Variants in MAN1A2 observed in about 807,000 individuals in gnomAD.
MAN1A2 encodes mannosidase alpha class 1A member 2.
Under a neutral mutation model 75.7 loss-of-function variants are expected in MAN1A2, and 26 were observed. The ratio of observed to expected loss-of-function variants is 0.34; its 90% CI spans 0.25 to 0.48. The LOEUF (loss-of-function observed/expected upper bound fraction) is 0.48, where lower values mean the gene tolerates loss of function less well. Ranked by LOEUF, MAN1A2 falls within the 20% of genes least tolerant of loss-of-function variation. The pLI is 0.99. For missense variants in MAN1A2, 562 were observed against 775.5 expected (o/e 0.72, Z 3.27); for synonymous variants, 247 against 264.6 (o/e 0.93, Z 0.65).
intron 9 of MAN1A2, 118 bp downstream of exon 9, chr1:117,493,380 CATTTT>C (rs576705875): frequency 1.4e-4 from 78 of 568,904 alleles, no homozygotes; most frequent in Non-Finnish European, 2.2e-4. Flanking sequence ...TACATACAAA[CATTTT>C]ATTATATGCA....
rs117242774 is a variant in MAN1A2 at position 117,393,764 on chromosome 1, A to G, written c.303-8422A>G. Among the ~76,000 whole-genome samples the G allele has an allele frequency of 5.7e-4, 87 of 152,298 alleles. 1 individual carries two copies. The East Asian group carries it at 0.01, about 18-fold the overall frequency. Reference sequence around the variant, plus strand: ...GATTGTTAACAATAGTTATCTGCCAAAGTCTTTAAAGGGCTCTCATATTCT... The same window carrying G: ...GATTGTTAACAATAGTTATCTGCCAGAGTCTTTAAAGGGCTCTCATATTCT... On this transcript the variant is annotated intron_variant, in intron 1 of 12. Transcript: ENST00000356554.
At chr1:117,433,443 A>C (rs1360082254) in intron 5 of MAN1A2, among the ~76,000 whole-genome samples, 1 of 152,230 alleles carries the variant, frequency 6.6e-6, no homozygotes, top group Non-Finnish European at 1.5e-5. Context: ...ACTATATGTT[A>C]ATTATAAAAT....
At chr1:117,383,251 AT>A (rs140454348) in intron 1 of MAN1A2, among the ~76,000 whole-genome samples, 18,252 of 152,096 alleles carry the variant, frequency 0.12, 1,150 homozygotes, top group Non-Finnish European at 0.14. Flanking sequence ...TATTAATGTG[AT>A]ATGTTACATT....
chr1:117,442,273 C>T lies in MAN1A2; in HGVS notation c.898C>T (p.Pro300Ser). Residue 300 changes from proline to serine, a missense_variant, in exon 6 of 13, where the codon CCT becomes TCT. This residue lies in a region of MAN1A2 where 434 missense variants were observed against 645.7 expected (regional missense o/e 0.67). Transcript: ENST00000356554. ...KAVQLAEKLLPAFNTPTGIPW... is the reference protein window; with the variant it reads ...KAVQLAEKLLSAFNTPTGIPW... ...AGTGCAATTGGCTGAGAAACTCCTT[C>T]CTGCCTTTAACACACCTACTGGGAT... The T allele has an allele frequency of 1.2e-6, 2 of 1,612,608 alleles. No individual in the cohort carries two copies. Among genetic ancestry groups the T allele is most frequent in the South Asian group, 1.1e-5 (1 of 91,050 alleles).
chr1:117,506,174 A>T (rs1651359004), intron 12 of MAN1A2, among the ~76,000 whole-genome samples: 1 of 151,558 alleles, frequency 6.6e-6, no homozygotes, highest in Non-Finnish European at 1.5e-5. Flanking sequence ...TAATTTAAAT[A>T]GGCTTTGTCA....
intron 1 of MAN1A2, among the ~76,000 whole-genome samples, chr1:117,371,179 C>T (rs957281715): frequency 1.3e-5 from 2 of 152,170 alleles, no homozygotes; most frequent in Non-Finnish European, 2.9e-5. Flanking sequence ...TATTCGGAAT[C>T]TACTTTCCTT....
intron 1 of MAN1A2, among the ~76,000 whole-genome samples, chr1:117,376,026 C>T (rs991234132): frequency 2.6e-5 from 4 of 151,916 alleles, no homozygotes; most frequent in African/African-American, 7.3e-5. Flanking sequence ...ATTCTCCTGC[C>T]TCAGCCGCCC....
At position 117,401,556 on chromosome 1, in the gene MAN1A2, G is replaced by T. The variant is rs1647429913; in HGVS notation, c.303-630G>T. On this transcript the variant is annotated intron_variant, in intron 1 of 12. Coordinates refer to ENST00000356554, the MANE Select transcript of MAN1A2 (RefSeq NM_006699.5). ...AACGGTGTAGGTGTCCATTGCAGTA[G>T]TGGTTTCCAAATCTGTGTGTACACC... Among the ~76,000 whole-genome samples the T allele has an allele frequency of 1.3e-5, 2 of 152,172 alleles. 1 individual carries two copies. Among genetic ancestry groups the T allele is most frequent in the South Asian group, 4.1e-4 (2 of 4,836 alleles).
At chr1:117,451,094 G>T (rs1252176459) in intron 6 of MAN1A2, among the ~76,000 whole-genome samples, 1 of 152,206 alleles carries the variant, frequency 6.6e-6, no homozygotes, top group Non-Finnish European at 1.5e-5. Flanking sequence ...GCACCCAGGA[G>T]GTTGGGCTAT....
chr1:117,389,657 T>C (rs1357832383), intron 1 of MAN1A2, among the ~76,000 whole-genome samples: 1 of 152,200 alleles, frequency 6.6e-6, no homozygotes, highest in East Asian at 1.9e-4. Flanking sequence ...TCATTATGTG[T>C]TTTAAAACTA....
chr1:117,514,333 A>T (rs965588613), intron 12 of MAN1A2, among the ~76,000 whole-genome samples: 1 of 150,674 alleles, frequency 6.6e-6, no homozygotes, highest in Non-Finnish European at 1.5e-5. Flanking sequence ...ACTGCACTCC[A>T]GCTGGGGGAC....
intron 4 of MAN1A2, among the ~76,000 whole-genome samples, chr1:117,418,820 C>T: frequency 6.6e-6 from 1 of 151,964 alleles, no homozygotes; most frequent in East Asian, 1.9e-4. Flanking sequence ...ACAAATGAAA[C>T]TATTTGATTA....
intron 2 of MAN1A2, among the ~76,000 whole-genome samples, chr1:117,404,424 ATAG>A (rs1647546858): frequency 6.6e-6 from 1 of 152,172 alleles, no homozygotes; most frequent in African/African-American, 2.4e-5. Flanking sequence ...AGTGATACAA[ATAG>A]TATTTATTGG....
chr1:117,411,665 A>G (rs1647822199), intron 3 of MAN1A2, among the ~76,000 whole-genome samples: 1 of 151,864 alleles, frequency 6.6e-6, no homozygotes, highest in African/African-American at 2.4e-5. Context: ...TGAAATATTT[A>G]CATAAGGATG....
At chr1:117,381,901 C>G (rs1653354646) in intron 1 of MAN1A2, among the ~76,000 whole-genome samples, 1 of 151,618 alleles carries the variant, frequency 6.6e-6, no homozygotes, top group Non-Finnish European at 1.5e-5. Flanking sequence ...GATGGTATCT[C>G]ATTGTGGTTT....
chr1:117,458,779 C>T (rs917494094), intron 6 of MAN1A2, among the ~76,000 whole-genome samples: 5 of 151,780 alleles, frequency 3.3e-5, no homozygotes, highest in Non-Finnish European at 7.4e-5. Flanking sequence ...CCACCTCGGC[C>T]TCCTGAAGTG....
chr1:117,491,157 A>G (rs189584025), intron 8 of MAN1A2, among the ~76,000 whole-genome samples: 8 of 152,222 alleles, frequency 5.3e-5, no homozygotes. Context: ...CAGCTACACT[A>G]AACAACAGAT....
chr1:117,404,069 T>C (rs559268737), intron 2 of MAN1A2, among the ~76,000 whole-genome samples: 14 of 152,334 alleles, frequency 9.2e-5, no homozygotes, highest in African/African-American at 3.4e-4. Flanking sequence ...CATGGTAAAT[T>C]ACATTGTTTT....
At chr1:117,376,629 G>T (rs146014669) in intron 1 of MAN1A2, among the ~76,000 whole-genome samples, 15 of 152,338 alleles carry the variant, frequency 9.8e-5, no homozygotes, top group Admixed American at 8.5e-4. Flanking sequence ...AAGCGTTTTG[G>T]TAAGGAATCA....
Sources: gnomAD v4.1 joint callset for allele counts (sites outside exome capture counted in the v4.1 genomes callset) on GRCh38, gnomAD v4.1.1 for gene constraint, gnomAD v4.1.1 regional missense constraint, MANE v1.5 for transcripts, NCBI Gene and HGNC (gene_info 2026-07-23, HGNC 2026-07-21) for gene names.